Variants in CCNH observed in about 807,000 individuals in gnomAD.
CCNH encodes the protein cyclin H.
Under a neutral mutation model 41.9 loss-of-function variants are expected in CCNH, and 31 were observed. That is an observed-to-expected ratio of 0.74 (90% CI 0.56 to 1.00). The LOEUF is 1.00. Among genes scored for constraint, CCNH ranks in the 50% least tolerant of loss-of-function variants. The pLI, the probability that CCNH is intolerant of heterozygous loss-of-function variation, is 0.00. For missense variants in CCNH, 362 were observed against 388.4 expected (o/e 0.93, Z 0.57); for synonymous variants, 138 against 136.1 (o/e 1.01, Z -0.10).
intron 8 of CCNH, 98 bp from the exon 9 acceptor site, chr5:87,394,582 C>A: frequency 6.4e-7 from 1 of 1,571,898 alleles, no homozygotes; most frequent in South Asian, 1.2e-5. Flanking sequence ...CTCCTTTTAC[C>A]CATGTGGATT....
chr5:87,389,348 A>C, downstream of CCNH: 1 of 1,611,178 alleles, frequency 6.2e-7, no homozygotes, highest in Non-Finnish European at 8.5e-7. Context: ...AACAAAAAAA[A>C]AGAAGATTTG....
intron 9 of CCNH, among the ~76,000 whole-genome samples, chr5:87,355,256 G>A (rs751275627): frequency 5.9e-5 from 9 of 152,124 alleles, no homozygotes; most frequent in Non-Finnish European, 1.2e-4. Flanking sequence ...GCTTGGCTTC[G>A]AAGCTTCAAA....
At chr5:87,393,927 A>G (rs770315504), downstream of CCNH, 3 of 152,324 alleles carry the variant, frequency 2.0e-5, no homozygotes, top group Non-Finnish European at 2.9e-5. Context: ...CCATTTGGAA[A>G]TGTTTTCGGG....
upstream of CCNH, among the ~76,000 whole-genome samples, chr5:87,378,155 G>C (rs1381903078): frequency 6.6e-6 from 1 of 152,108 alleles, no homozygotes; most frequent in Non-Finnish European, 1.5e-5. Flanking sequence ...TTTTCCATAT[G>C]AACATGGCAG....
chr5:87,380,977 A>C (rs1012058050), upstream of CCNH, among the ~76,000 whole-genome samples: 1 of 152,210 alleles, frequency 6.6e-6, no homozygotes, highest in African/African-American at 2.4e-5. Flanking sequence ...GGTTTGTTAC[A>C]ATCTGTGACT....
At chr5:87,402,559 ATAGT>A (rs950737614) in intron 5 of CCNH, among the ~76,000 whole-genome samples, 14 of 152,188 alleles carry the variant, frequency 9.2e-5, no homozygotes, top group African/African-American at 1.4e-4. Flanking sequence ...CTTGGGGGTA[ATAGT>A]TAGAAAAATA....
At chr5:87,393,570 C>T (rs905761060), downstream of CCNH, 4 of 152,140 alleles carry the variant, frequency 2.6e-5, no homozygotes, top group African/African-American at 7.2e-5. Flanking sequence ...TTTATATTGA[C>T]TCATTTCAAT....
At chr5:87,394,789 G>C in intron 8 of CCNH, 1 of 1,339,036 alleles carries the variant, frequency 7.5e-7, no homozygotes, top group Admixed American at 3.6e-5. Flanking sequence ...AAGAAAAAAA[G>C]CAAAAATGTA....
At chr5:87,319,145 G>T (rs570123902) in intron 9 of CCNH, among the ~76,000 whole-genome samples, 1 of 152,354 alleles carries the variant, frequency 6.6e-6, no homozygotes, top group East Asian at 1.9e-4. Context: ...CTGCCCCATG[G>T]CTCTGCAGGA....
intron 9 of CCNH, chr5:87,333,426 T>G: frequency 3.8e-6 from 6 of 1,564,942 alleles, no homozygotes; most frequent in Non-Finnish European, 5.2e-6. Flanking sequence ...CTTTTGAAAT[T>G]TGAAGAAATG....
At chr5:87,385,414 A>C (rs771058544) in intron 9 of CCNH, 1 of 1,508,298 alleles carries the variant, frequency 6.6e-7, no homozygotes, top group Admixed American at 1.7e-5. Context: ...ATACTTTAAA[A>C]TGTAATTTAT....
At chr5:87,328,376 A>T (rs1757384735) in intron 9 of CCNH, among the ~76,000 whole-genome samples, 1 of 152,108 alleles carries the variant, frequency 6.6e-6, no homozygotes, top group African/African-American at 2.4e-5. Context: ...TTTTAAAGAG[A>T]TATAATAAGG....
intron 9 of CCNH, chr5:87,349,076 T>G: frequency 9.3e-7 from 1 of 1,075,774 alleles, no homozygotes; most frequent in East Asian, 2.6e-5. Flanking sequence ...TGAAAGAAAT[T>G]ATCTTAAAAA....
intron 9 of CCNH, among the ~76,000 whole-genome samples, chr5:87,368,829 C>A (rs900813689): frequency 1.4e-4 from 21 of 152,298 alleles, no homozygotes; most frequent in African/African-American, 4.3e-4. Context: ...ATAGTATGAT[C>A]TTGGCTCCTC....
intron 4 of CCNH, among the ~76,000 whole-genome samples, chr5:87,406,738 T>C (rs758334756): frequency 8.5e-5 from 13 of 152,164 alleles, no homozygotes; most frequent in Non-Finnish European, 1.8e-4. Flanking sequence ...TCTTTCTGTA[T>C]CCACAACCTT....
At chr5:87,381,744 C>G (rs1021597655), upstream of CCNH, among the ~76,000 whole-genome samples, 2 of 152,182 alleles carry the variant, frequency 1.3e-5, no homozygotes, top group African/African-American at 4.8e-5. Flanking sequence ...TAAATTAAAA[C>G]TGTTCTATAA....
At chr5:87,370,554 G>A (rs1475355558) in intron 9 of CCNH, among the ~76,000 whole-genome samples, 1 of 152,182 alleles carries the variant, frequency 6.6e-6, no homozygotes, top group East Asian at 1.9e-4. Context: ...CCCAGCCACT[G>A]GGTAGAATGA....
At chr5:87,399,542 G>A (rs1763238500) in intron 6 of CCNH, 37 bp from the exon 7 acceptor site, 1 of 1,343,526 alleles carries the variant, frequency 7.4e-7, no homozygotes, top group Non-Finnish European at 1.1e-6. Flanking sequence ...AACTGAATAA[G>A]CAAACCTCCT....
At chr5:87,360,127 T>G (rs553272560) in intron 9 of CCNH, among the ~76,000 whole-genome samples, 5 of 151,312 alleles carry the variant, frequency 3.3e-5, no homozygotes, top group East Asian at 1.9e-4. Flanking sequence ...AAATGCAGTT[T>G]TTTTTTTTTT....
Sources: allele counts gnomAD v4.1 joint callset (sites outside exome capture counted in the v4.1 genomes callset), GRCh38; gene constraint gnomAD v4.1.1; transcripts MANE v1.5; gene names NCBI Gene and HGNC (gene_info 2026-07-23, HGNC 2026-07-21).